Variants in LINGO2 observed in about 807,000 individuals in gnomAD.
The protein encoded by LINGO2 is leucine rich repeat and Ig domain containing 2.
LINGO2 carries 14 observed loss-of-function variants against 30.6 expected under a neutral mutation model. That is an observed-to-expected ratio of 0.46 (90% confidence interval 0.30 to 0.72). The LOEUF (loss-of-function observed/expected upper bound fraction) is 0.72. LINGO2 is among the 30% of genes least tolerant of loss of function. The pLI, the probability that LINGO2 is intolerant of heterozygous loss-of-function variation, is 0.07. For synonymous variants in LINGO2, 317 were observed against 288.5 expected, an observed-to-expected ratio of 1.10 and a Z score of -1.00; for missense variants, 729 against 751.7, an observed-to-expected ratio of 0.97 and a Z score of 0.35.
At chr9:28,371,556 A>C (rs1418096507) in intron 3 of LINGO2, among the ~76,000 whole-genome samples, 1 of 152,194 alleles carries the variant, frequency 6.6e-6, no homozygotes, top group Non-Finnish European at 1.5e-5. Context: ...TCATTGCCTA[A>C]GACCATCACC....
At chr9:28,721,023 C>G in the LINGO2 span, among the ~76,000 whole-genome samples, 2 of 151,976 alleles carry the variant, frequency 1.3e-5, no homozygotes, top group African/African-American at 2.4e-5. Context: ...TGAAGAGACA[C>G]TTATCAAAAG....
chr9:28,876,752 T>C, the LINGO2 span, among the ~76,000 whole-genome samples: 5 of 152,292 alleles, frequency 3.3e-5, no homozygotes, highest in East Asian at 7.7e-4. Flanking sequence ...TTATAGTCCT[T>C]TGGGTATATA....
chr9:28,506,775 G>T (rs528711224), intron 1 of LINGO2, among the ~76,000 whole-genome samples: 3 of 151,488 alleles, frequency 2.0e-5, no homozygotes, highest in Non-Finnish European at 1.5e-5. Context: ...CATAATTATT[G>T]CCAGGTGTTT....
intron 1 of LINGO2, among the ~76,000 whole-genome samples, chr9:28,490,793 C>T (rs530913351): frequency 5.9e-5 from 9 of 152,144 alleles, no homozygotes; most frequent in South Asian, 2.1e-4. Context: ...GGTAGTTTTT[C>T]GTAATCTATC....
chr9:28,694,021 T>G, the LINGO2 span, among the ~76,000 whole-genome samples: 1 of 151,904 alleles, frequency 6.6e-6, no homozygotes, highest in Non-Finnish European at 1.5e-5. Flanking sequence ...TGATATCAGC[T>G]GGTAGTTAGT....
chr9:28,926,975 T>A, the LINGO2 span, among the ~76,000 whole-genome samples: 1 of 152,216 alleles, frequency 6.6e-6, no homozygotes, highest in Non-Finnish European at 1.5e-5. Context: ...TCTGTCCACA[T>A]AGATATTCTT....
intron 4 of LINGO2, among the ~76,000 whole-genome samples, chr9:28,112,064 C>A (rs1826815619): frequency 9.5e-6 from 1 of 105,214 alleles, no homozygotes; most frequent in South Asian, 4.2e-4. Flanking sequence ...CCCCCCTCCC[C>A]CGACCCCACC....
intron 1 of LINGO2, among the ~76,000 whole-genome samples, chr9:28,551,948 A>G (rs1822306908): frequency 6.6e-6 from 1 of 151,064 alleles, no homozygotes. Flanking sequence ...CATTACTTCT[A>G]CTCTTCCTTT....
chr9:28,833,604 A>G, the LINGO2 span, among the ~76,000 whole-genome samples: 28 of 152,294 alleles, frequency 1.8e-4, no homozygotes, highest in African/African-American at 6.5e-4. Context: ...GCCACATTCA[A>G]TGGTACAAGT....
the LINGO2 span, among the ~76,000 whole-genome samples, chr9:28,972,553 T>A: frequency 6.6e-6 from 1 of 151,744 alleles, no homozygotes; most frequent in African/African-American, 2.4e-5. Context: ...AATAGCAGAA[T>A]TGATCAAGCA....
chr9:28,305,876 A>G (rs932949881), intron 3 of LINGO2, among the ~76,000 whole-genome samples: 1 of 152,124 alleles, frequency 6.6e-6, no homozygotes, highest in East Asian at 1.9e-4. Context: ...GCCACACTAT[A>G]TTTACATTTA....
intron 1 of LINGO2, among the ~76,000 whole-genome samples, chr9:28,618,389 G>A (rs191765795): frequency 1.2e-3 from 180 of 151,834 alleles, no homozygotes; most frequent in Admixed American, 3.1e-3. Flanking sequence ...TTCTACCATT[G>A]CTATCCACAC....
intron 2 of LINGO2, among the ~76,000 whole-genome samples, chr9:28,449,757 C>T (rs1192406350): frequency 6.6e-6 from 1 of 151,896 alleles, no homozygotes; most frequent in African/African-American, 2.4e-5. Flanking sequence ...ATTACTAGTC[C>T]CCACCTATTG....
At chr9:28,109,329 C>G (rs1438187375) in intron 4 of LINGO2, among the ~76,000 whole-genome samples, 1 of 152,020 alleles carries the variant, frequency 6.6e-6, no homozygotes, top group African/African-American at 2.4e-5. Flanking sequence ...CCTTTGAAAA[C>G]CAGCCAAGAC....
intron 1 of LINGO2, among the ~76,000 whole-genome samples, chr9:28,483,172 G>T (rs1020749588): frequency 6.6e-6 from 1 of 152,092 alleles, no homozygotes; most frequent in African/African-American, 2.4e-5. Flanking sequence ...TTAGCATTCA[G>T]ATTGTTTCTC....
chr9:28,666,852 C>T (rs1449250582), intron 1 of LINGO2, among the ~76,000 whole-genome samples: 1 of 152,110 alleles, frequency 6.6e-6, no homozygotes, highest in African/African-American at 2.4e-5. Flanking sequence ...CATGTTTAAG[C>T]ACAGTACATA....
chr9:28,755,604 T>C, the LINGO2 span, among the ~76,000 whole-genome samples: 9 of 152,070 alleles, frequency 5.9e-5, no homozygotes, highest in African/African-American at 1.9e-4. Flanking sequence ...AGGGACATTT[T>C]ATAGGAAGGA....
chr9:28,061,140 C>T (rs1290089624), intron 4 of LINGO2, among the ~76,000 whole-genome samples: 1 of 150,044 alleles, frequency 6.7e-6, no homozygotes, highest in Non-Finnish European at 1.5e-5. Context: ...ATAAGCTCTG[C>T]ATTCTTTCTG....
chr9:28,953,197 T>C, the LINGO2 span, among the ~76,000 whole-genome samples: 8 of 152,158 alleles, frequency 5.3e-5, no homozygotes, highest in South Asian at 1.4e-3. Flanking sequence ...TTATCATTAC[T>C]ACTGAGATTC....
Sources: allele counts gnomAD v4.1 joint callset (sites outside exome capture counted in the v4.1 genomes callset), GRCh38; gene constraint gnomAD v4.1.1; transcripts MANE v1.5; gene names NCBI Gene and HGNC (gene_info 2026-07-23, HGNC 2026-07-21).